FAM234A: variants seen among roughly 807,000 people sequenced by gnomAD.
FAM234A encodes the protein protein FAM234A.
In FAM234A, 42 loss-of-function variants were observed where a neutral mutation model predicts 49.1. The ratio of observed to expected loss-of-function variants is 0.86; its 90% confidence interval spans 0.67 to 1.11. The LOEUF (loss-of-function observed/expected upper bound fraction) is 1.11, where lower values mean the gene tolerates loss of function less well. Ranked by LOEUF, FAM234A falls within the 50% of genes least tolerant of loss-of-function variation. FAM234A has a pLI of 0.00. For missense variants in FAM234A, 815 were observed against 745.2 expected, an observed-to-expected ratio of 1.09 and a Z score of -1.09; for synonymous variants, 369 against 316.2, an observed-to-expected ratio of 1.17 and a Z score of -1.77.
rs941441004 is a variant in FAM234A at position 261,533 on chromosome 16, C to T, written c.708+19C>T. On this transcript the variant is annotated intron_variant, in intron 6 of 12. Transcript: ENST00000399932. ...GGAGGAGGTACATCCCAGCCTGGCT[C>T]TGCTCCCAAGTCACGAGGCCACCTG... The T allele has an allele frequency of 6.4e-7, 1 of 1,573,922 alleles. No homozygotes were observed. Among genetic ancestry groups the T allele is most frequent in the Admixed American group, 1.8e-5 (1 of 54,652 alleles).
At chr16:248,639 G>T (rs2050897551) in intron 1 of FAM234A, among the ~76,000 whole-genome samples, 1 of 151,918 alleles carries the variant, frequency 6.6e-6, no homozygotes, top group African/African-American at 2.4e-5. Flanking sequence ...GGGTTTTTTT[G>T]AAACAGGGTC....
chr16:236,315 A>G (rs2050397967), intron 1 of FAM234A, among the ~76,000 whole-genome samples: 1 of 151,340 alleles, frequency 6.6e-6, no homozygotes, highest in African/African-American at 2.4e-5. Flanking sequence ...ATGTGCCACC[A>G]TATTTATTTT....
At position 264,601 on chromosome 16, in the gene FAM234A, G is replaced by T. The variant is rs752960257; in HGVS notation, c.1345-13G>T. The T allele has an allele frequency of 2.0e-5, 32 of 1,585,736 alleles. No homozygotes were observed. The highest frequency in any genetic ancestry group is 2.3e-5 in the Non-Finnish European group (27 of 1,158,814). On this transcript the variant is annotated splice_polypyrimidine_tract_variant and intron_variant, in intron 11 of 12. Transcript: ENST00000399932. ...GTGAAGGGCGTGGGGCCCATTGCTG[G>T]TTCTCGCTCCAGGAGACCGGGGAGG...
chr16:260,837 G>A (rs1176217399), intron 5 of FAM234A: 7 of 370,008 alleles, frequency 1.9e-5, no homozygotes, highest in Non-Finnish European at 3.9e-5. Context: ...GGATGAGATT[G>A]TATGTGCGTA....
chr16:240,837 T>G (rs1285293129), intron 1 of FAM234A, among the ~76,000 whole-genome samples: 2 of 152,206 alleles, frequency 1.3e-5, no homozygotes, highest in Non-Finnish European at 2.9e-5. Context: ...CAAAATCTTT[T>G]CAGTTTCTGT....
At position 254,503 on chromosome 16, in the gene FAM234A, A is replaced by T. The variant is rs762996114; in HGVS notation, c.90A>T (p.Lys30Asn). 18 of 1,614,246 alleles carry T rather than the reference A, an allele frequency of 1.1e-5. No homozygotes were observed. The highest frequency in any genetic ancestry group is 1.5e-5 in the Non-Finnish European group (18 of 1,180,034). Residue 30 changes from lysine (K) to asparagine (N), a missense_variant, in exon 3 of 13, where the codon AAA becomes AAT. Coordinates refer to ENST00000399932, the MANE Select transcript of FAM234A (RefSeq NM_032039.4). Reference sequence around the variant, plus strand: ...AGGAAAATCTGGGAAATCCATCAAAAAATGAGGATAACGTGAAAAGCGCGC... The same window carrying T: ...AGGAAAATCTGGGAAATCCATCAAATAATGAGGATAACGTGAAAAGCGCGC... Reference protein sequence around the residue: ...KSQENLGNPSKNEDNVKSAPP... With the variant: ...KSQENLGNPSNNEDNVKSAPP...
At chr16:260,585 A>G (rs1302156388) in intron 5 of FAM234A, 3 of 475,920 alleles carry the variant, frequency 6.3e-6, no homozygotes, top group African/African-American at 4.0e-5. Context: ...CTGAAGGTGC[A>G]GGTCTCCGAG....
intron 1 of FAM234A, among the ~76,000 whole-genome samples, chr16:239,681 G>T (rs1006955930): frequency 6.6e-6 from 1 of 151,774 alleles, no homozygotes; most frequent in African/African-American, 2.4e-5. Flanking sequence ...TTGGAATTCA[G>T]GAGAAAGGCT....
At chr16:264,530 C>T in intron 11 of FAM234A, 84 bp from the exon 12 acceptor site, 2 of 955,040 alleles carry the variant, frequency 2.1e-6, no homozygotes, top group Non-Finnish European at 3.2e-6. Context: ...AGACATAGAG[C>T]TCCAGGCACG....
At chr16:250,307 T>C (rs546374427) in intron 2 of FAM234A, among the ~76,000 whole-genome samples, 1 of 152,276 alleles carries the variant, frequency 6.6e-6, no homozygotes, top group South Asian at 2.1e-4. Context: ...TTAATGGCCG[T>C]CTCCTCTTCT....
chr16:243,354 T>C (rs2050685374), intron 1 of FAM234A, among the ~76,000 whole-genome samples: 1 of 152,178 alleles, frequency 6.6e-6, no homozygotes, highest in Non-Finnish European at 1.5e-5. Flanking sequence ...GGCCTGACTC[T>C]CTGTGGTCAA....
chr16:240,330 A>G (rs2050566451), intron 1 of FAM234A: 1 of 152,072 alleles, frequency 6.6e-6, no homozygotes, highest in Non-Finnish European at 1.5e-5. Context: ...GGCTCAGGGG[A>G]CACAGCAGAC....
intron 3 of FAM234A, among the ~76,000 whole-genome samples, chr16:255,142 C>T (rs1045103525): frequency 2.6e-5 from 4 of 152,204 alleles, no homozygotes; most frequent in Admixed American, 1.3e-4. Flanking sequence ...GCGTGAGCCA[C>T]AGCGCCTGGC....
rs765190323 is a variant in FAM234A at position 259,609 on chromosome 16, T to C, written c.385+10T>C. ...TCCTGTGTGGACGAAGGTAATTTCA[T>C]TTTATATGAAAAAGGCGGAGCTCCC... On this transcript the variant is annotated intron_variant, in intron 4 of 12. Coordinates refer to ENST00000399932, the MANE Select transcript of FAM234A (RefSeq NM_032039.4). The C allele has an allele frequency of 4.6e-6, 7 of 1,529,996 alleles. No homozygotes were observed. The Admixed American group carries it at 1.2e-4, about 26-fold the overall frequency. 94.8% of individuals were successfully genotyped at this position (1,529,996 alleles called of 1,614,324 possible).
intron 1 of FAM234A, among the ~76,000 whole-genome samples, chr16:235,885 GCTCA>G (rs2050381227): frequency 6.6e-6 from 1 of 152,074 alleles, no homozygotes. Flanking sequence ...CGGCGCGGTG[GCTCA>G]CGCCTGTCAT....
Position 252,994 on chromosome 16 carries a change from T to C in FAM234A, c.-33-1387T>C, listed in dbSNP as rs543005845. Among the ~76,000 whole-genome samples, 13 of 152,336 alleles carry C rather than the reference T, an allele frequency of 8.5e-5. No individual in the cohort carries two copies. In the South Asian group the frequency reaches 2.7e-3, roughly 32 times the overall value. ...CGTCCAGTCTCTCAGTATGATGTGTTAGGACATCGGTTTGGTTGTTTAAAA... is the reference window on the plus strand; with the variant it reads ...CGTCCAGTCTCTCAGTATGATGTGTCAGGACATCGGTTTGGTTGTTTAAAA... On this transcript the variant is annotated intron_variant, in intron 2 of 12. Transcript: ENST00000399932.
rs1030219368 is a variant in FAM234A, at chr16:258,725, G to T, written c.269-758G>T. ...AGAGGGGCTCCTCACTTCCCAGTAG[G>T]GGTGGCCGGGCAGAGGCGCCCCTCA... On this transcript the variant is annotated intron_variant, in intron 3 of 12. Transcript: ENST00000399932. Among the ~76,000 whole-genome samples the T allele has an allele frequency of 1.4e-4, 22 of 152,198 alleles. 1 individual carries two copies. Among genetic ancestry groups the T allele is most frequent in the Admixed American group, 1.4e-3 (22 of 15,282 alleles).
At chr16:263,961 G>A (rs890147799) in intron 10 of FAM234A, 55 bp from the exon 11 acceptor site, 52 of 1,572,426 alleles carry the variant, frequency 3.3e-5, no homozygotes, top group Middle Eastern at 1.7e-4. Flanking sequence ...TGCAAGCCTC[G>A]AGCTTTTCCC....
intron 1 of FAM234A, among the ~76,000 whole-genome samples, chr16:241,419 C>CA (rs1434033273): frequency 1.3e-5 from 2 of 151,804 alleles, no homozygotes; most frequent in African/African-American, 4.8e-5. Context: ...CTCATTTCTA[C>CA]AAAAAATTTA....
Sources: gnomAD v4.1 joint callset for allele counts (sites outside exome capture counted in the v4.1 genomes callset) on GRCh38, gnomAD v4.1.1 for gene constraint, MANE v1.5 for transcripts, NCBI Gene and HGNC (gene_info 2026-07-23, HGNC 2026-07-21) for gene names.